Variants in FHIP1A observed in about 807,000 individuals in gnomAD.
The protein encoded by FHIP1A is FHF complex subunit HOOK interacting protein 1A.
A neutral mutation model predicts 88.6 loss-of-function variants in FHIP1A; 61 were observed. The ratio of observed to expected loss-of-function variants is 0.69; its 90% CI spans 0.56 to 0.85. FHIP1A has a LOEUF of 0.85. FHIP1A is among the 40% of genes least tolerant of loss of function. The probability of loss-of-function intolerance (pLI) is 0.00; values close to 1 mark genes in which losing one functional copy is unlikely to be tolerated. For missense variants in FHIP1A, 1,154 were observed against 1,273.5 expected (o/e 0.91, Z 1.43); for synonymous variants, 478 against 496.0 (o/e 0.96, Z 0.48).
At chr4:151,453,458 GATAATA>G (rs1728865260) in intron 1 of FHIP1A, among the ~76,000 whole-genome samples, 1 of 152,102 alleles carries the variant, frequency 6.6e-6, no homozygotes, top group African/African-American at 2.4e-5. Flanking sequence ...CTACAATAGG[GATAATA>G]ATGGAGATAA....
intron 3 of FHIP1A, among the ~76,000 whole-genome samples, chr4:151,524,721 A>G (rs756923880): frequency 6.6e-6 from 1 of 152,248 alleles, no homozygotes; most frequent in Non-Finnish European, 1.5e-5. Context: ...AGCAGTTGGA[A>G]ACCATTGTAG....
chr4:151,466,890 C>G (rs1729334491), intron 2 of FHIP1A, among the ~76,000 whole-genome samples: 1 of 152,108 alleles, frequency 6.6e-6, no homozygotes, highest in Admixed American at 6.6e-5. Context: ...AGAAGAAAAC[C>G]TAGGCAATAC....
At chr4:151,441,235 T>C (rs1275103666) in intron 1 of FHIP1A, among the ~76,000 whole-genome samples, 1 of 151,966 alleles carries the variant, frequency 6.6e-6, no homozygotes, top group African/African-American at 2.4e-5. Flanking sequence ...AAAACCATGG[T>C]ACAAAATTGA....
chr4:151,630,725 A>G lies in FHIP1A; in HGVS notation c.1146+856A>G, dbSNP rs181864298. On this transcript the variant is annotated intron_variant, in intron 8 of 13. Transcript: ENST00000435205. Reference sequence around the variant, plus strand: ...TAATACACATTCTCCTCAAATGTACATGGAATATTCTCCAAGACAGACCAT... The same window carrying G: ...TAATACACATTCTCCTCAAATGTACGTGGAATATTCTCCAAGACAGACCAT... Among the ~76,000 whole-genome samples the G allele has an allele frequency of 1.4e-3, 219 of 152,342 alleles. 5 individuals are homozygous for G. Among genetic ancestry groups the G allele is most frequent in the Non-Finnish European group, 1.4e-3 (98 of 68,026 alleles).
chr4:151,569,080 C>T lies in FHIP1A; in HGVS notation c.105+2716C>T, dbSNP rs924719697. ...CAGTTGCAGAGGATTGGGAAAAGAG[C>T]TCCAGTTTGACATAAGCTCCTAGGC... On this transcript the variant is annotated intron_variant, in intron 4 of 13. Coordinates refer to ENST00000435205, the MANE Select transcript of FHIP1A (RefSeq NM_001109977.3). Among the ~76,000 whole-genome samples the T allele has an allele frequency of 1.1e-4, 16 of 152,272 alleles. No homozygotes were observed. In the East Asian group the frequency reaches 3.1e-3, roughly 29 times the overall value.
chr4:151,454,591 G>C (rs554833315), intron 1 of FHIP1A, 110 bp from the exon 2 acceptor site: 2 of 152,222 alleles, frequency 1.3e-5, no homozygotes, highest in South Asian at 2.1e-4. Flanking sequence ...AACAGAGCAA[G>C]GTTGAGGCAA....
At chr4:151,538,700 C>G (rs1324453140) in intron 3 of FHIP1A, among the ~76,000 whole-genome samples, 1 of 152,188 alleles carries the variant, frequency 6.6e-6, no homozygotes, top group Admixed American at 6.5e-5. Flanking sequence ...ACTTTCTATA[C>G]AGAGTCAAGT....
chr4:151,475,535 C>T (rs912742322), intron 2 of FHIP1A, among the ~76,000 whole-genome samples: 10 of 152,026 alleles, frequency 6.6e-5, no homozygotes, highest in Admixed American at 4.6e-4. Context: ...CGGGGAACAG[C>T]AAGTCTGGCA....
At chr4:151,595,609 A>T (rs1157997779) in intron 7 of FHIP1A, among the ~76,000 whole-genome samples, 1 of 152,078 alleles carries the variant, frequency 6.6e-6, no homozygotes, top group Admixed American at 6.6e-5. Context: ...TGATCTGTCT[A>T]ATATTGACAG....
At position 151,650,057 on chromosome 4, in the gene FHIP1A, T is replaced by C. The variant is rs1238002446; in HGVS notation, c.2016T>C (p.Ala672=). The C allele has an allele frequency of 6.4e-7, 1 of 1,551,648 alleles. No homozygotes were observed. The highest frequency in any genetic ancestry group is 2.4e-5 in the East Asian group (1 of 40,898). Residue 672 remains alanine, a synonymous_variant, in exon 11 of 14, where the codon GCT becomes GCC. Coordinates refer to ENST00000435205, the MANE Select transcript of FHIP1A (RefSeq NM_001109977.3). ...CTAGGCCACCAGCTGAAGCCCAGGCTGAAGTTCAGAGTGTCCCCATCAACA... is the reference window on the plus strand; with the variant it reads ...CTAGGCCACCAGCTGAAGCCCAGGCCGAAGTTCAGAGTGTCCCCATCAACA... ...EAARPPAEAQ[A]EVQSVPINNG...
chr4:151,531,689 A>G (rs977614966), intron 3 of FHIP1A, among the ~76,000 whole-genome samples: 7 of 152,178 alleles, frequency 4.6e-5, no homozygotes, highest in African/African-American at 1.7e-4. Flanking sequence ...TGTTGATTTC[A>G]TATCTAAGCT....
In FHIP1A at chr4:151,518,406, C is replaced by T. The variant is rs187517346; in HGVS notation, c.-123+35758C>T. Among the ~76,000 whole-genome samples the T allele has an allele frequency of 4.6e-5, 7 of 152,110 alleles. No homozygotes were observed. In the East Asian group the frequency reaches 5.8e-4, roughly 13 times the overall value. ...ACAATGACAAAATCATGTAAGGATG[C>T]GTTTCTCAGAATGTAGCCCATTGTT... On this transcript the variant is annotated intron_variant, in intron 3 of 13. Transcript: ENST00000435205.
At chr4:151,625,574 C>G (rs917275293) in intron 7 of FHIP1A, among the ~76,000 whole-genome samples, 4 of 152,148 alleles carry the variant, frequency 2.6e-5, no homozygotes, top group African/African-American at 9.7e-5. Context: ...TTCACTCATA[C>G]GCCGTGCAAT....
At chr4:151,603,465 A>G (rs530815153) in intron 7 of FHIP1A, among the ~76,000 whole-genome samples, 2 of 151,868 alleles carry the variant, frequency 1.3e-5, no homozygotes, top group East Asian at 3.9e-4. Flanking sequence ...TGCTGACTGG[A>G]TGTTGTCTTT....
At position 151,656,654 on chromosome 4, in the gene FHIP1A, C is replaced by A; in HGVS notation, c.2731-106C>A. Reference sequence around the variant, plus strand: ...CAGTTAAAAATGAACAAATGTCTAACATCATAATAGTTCCCATAATGAGGG... The same window carrying A: ...CAGTTAAAAATGAACAAATGTCTAAAATCATAATAGTTCCCATAATGAGGG... On this transcript the variant is annotated intron_variant, in intron 12 of 13. Coordinates refer to ENST00000435205, the MANE Select transcript of FHIP1A (RefSeq NM_001109977.3). This position sits in a 1 kb window ranked among gnomAD's most constrained non-coding sequence, Gnocchi z 4.2. The A allele has an allele frequency of 1.6e-6, 2 of 1,269,782 alleles. No homozygotes were observed. Among genetic ancestry groups the A allele is most frequent in the Non-Finnish European group, 2.2e-6 (2 of 920,384 alleles). The allele number at this position is 1,269,782 out of a possible 1,614,324, so 78.7% of individuals were successfully genotyped here.
chr4:151,508,847 C>G (rs1730924325), intron 3 of FHIP1A, among the ~76,000 whole-genome samples: 1 of 152,170 alleles, frequency 6.6e-6, no homozygotes, highest in Non-Finnish European at 1.5e-5. Context: ...CATTTACATA[C>G]TCTCTTTCTC....
chr4:151,540,179 A>C (rs950455828), intron 3 of FHIP1A, among the ~76,000 whole-genome samples: 1 of 152,214 alleles, frequency 6.6e-6, no homozygotes, highest in Non-Finnish European at 1.5e-5. Flanking sequence ...GTCATTTTTT[A>C]AAATGATTAT....
chr4:151,502,447 G>A (rs745642190), intron 3 of FHIP1A, among the ~76,000 whole-genome samples: 35 of 152,132 alleles, frequency 2.3e-4, no homozygotes, highest in Middle Eastern at 3.2e-3. Flanking sequence ...AGAAATTCAG[G>A]AGCTGAAAGA....
At chr4:151,448,524 C>T (rs866549031) in intron 1 of FHIP1A, among the ~76,000 whole-genome samples, 1 of 152,184 alleles carries the variant, frequency 6.6e-6, no homozygotes, top group African/African-American at 2.4e-5. Context: ...ATGAATTAGA[C>T]TACTCTAGGT....
Sources: gnomAD v4.1 joint callset for allele counts (sites outside exome capture counted in the v4.1 genomes callset) on GRCh38, gnomAD v4.1.1 for gene constraint, Gnocchi (gnomAD v3.1) non-coding constraint, MANE v1.5 for transcripts, NCBI Gene and HGNC (gene_info 2026-07-23, HGNC 2026-07-21) for gene names.